Variants in PCDHA1 observed in about 807,000 individuals in gnomAD.
The protein encoded by PCDHA1 is protocadherin alpha-1.
Under a neutral mutation model 61.3 loss-of-function variants are expected in PCDHA1, and 42 were observed. The ratio of observed to expected loss-of-function variants is 0.69; its 90% CI spans 0.54 to 0.89. PCDHA1 has a LOEUF of 0.89. Among genes scored for constraint, PCDHA1 ranks in the 40% least tolerant of loss-of-function variants. The pLI is 0.00. For missense variants in PCDHA1, 1,256 were observed against 1,235.3 expected (o/e 1.02, Z -0.25); for synonymous variants, 610 against 553.8 (o/e 1.10, Z -1.43).
At chr5:140,937,142 A>G (rs1362886135) in intron 1 of PCDHA1, among the ~76,000 whole-genome samples, 1 of 147,852 alleles carries the variant, frequency 6.8e-6, no homozygotes, top group Non-Finnish European at 1.5e-5. Context: ...GGTTCATGCC[A>G]TTCTCCTGCC....
rs994477615 is a variant in PCDHA1 at position 140,861,542 on chromosome 5, C to T, written c.2394+72858C>T. On this transcript the variant is annotated intron_variant, in intron 1 of 3. Coordinates refer to ENST00000504120, the MANE Select transcript of PCDHA1 (RefSeq NM_018900.4). ...GGAGGATCTCGGAGTGCAGCATCCA[C>T]CTGGAAGTGATCGTGGACAAGCTGC... is the stretch of plus-strand genomic sequence containing the variant. The T allele has an allele frequency of 4.0e-5, 17 of 424,962 alleles. No homozygotes were observed. In the East Asian group the frequency reaches 1.2e-3, roughly 30 times the overall value. The allele number at this position is 424,962 out of a possible 1,614,324, so 26.3% of individuals were successfully genotyped here.
At position 140,985,395 on chromosome 5, in the gene PCDHA1, C is replaced by G. The variant is rs377641758; in HGVS notation, c.2542+2832C>G. 2.6e-5 allele frequency among the ~76,000 whole-genome samples: 4 copies of G among 152,302 alleles called. No individual in the cohort carries two copies. The East Asian group carries it at 7.7e-4, about 29-fold the overall frequency. On this transcript the variant is annotated intron_variant, in intron 3 of 3. Coordinates refer to ENST00000504120, the MANE Select transcript of PCDHA1 (RefSeq NM_018900.4). ...GGTCTATATAATCCAGTCACCCCAACTGTTCCCCTGGAAATGGAGTGAGGA... is the reference window on the plus strand; with the variant it reads ...GGTCTATATAATCCAGTCACCCCAAGTGTTCCCCTGGAAATGGAGTGAGGA...
chr5:140,791,995 C>T (rs1761689436), intron 1 of PCDHA1, among the ~76,000 whole-genome samples: 1 of 152,100 alleles, frequency 6.6e-6, no homozygotes, highest in South Asian at 2.1e-4. Flanking sequence ...AACAAATTAC[C>T]ACAGACTTGG....
intron 1 of PCDHA1, among the ~76,000 whole-genome samples, chr5:140,964,646 G>A (rs1554227128): frequency 6.6e-6 from 1 of 152,004 alleles, no homozygotes; most frequent in African/African-American, 2.4e-5. Context: ...TCAGAAACAA[G>A]TAATGGGTGA....
At chr5:140,976,403 TA>T (rs1469780321) in intron 1 of PCDHA1, among the ~76,000 whole-genome samples, 1 of 151,936 alleles carries the variant, frequency 6.6e-6, no homozygotes, top group Non-Finnish European at 1.5e-5. Flanking sequence ...ATTCAAAAAT[TA>T]GCCAGGTACG....
intron 1 of PCDHA1, chr5:140,966,642 GA>G (rs1563353190): frequency 3.1e-5 from 35 of 1,117,790 alleles, no homozygotes; most frequent in Non-Finnish European, 4.1e-5. Context: ...GCGCTTTCTA[GA>G]GCGTGAGCGG....
At chr5:140,852,888 T>A in intron 1 of PCDHA1, 1 of 920,092 alleles carries the variant, frequency 1.1e-6, no homozygotes. Context: ...AAAACGTATT[T>A]TTTTTTTTGA....
At position 141,009,997 on chromosome 5, in the gene PCDHA1, A is replaced by C; in HGVS notation, c.*60A>C. 1 of 1,576,442 alleles carries C rather than the reference A, an allele frequency of 6.3e-7. No individual in the cohort carries two copies. The highest frequency in any genetic ancestry group is 2.2e-5 in the East Asian group (1 of 44,650). On this transcript the variant is annotated 3_prime_UTR_variant, in exon 4 of 4. Transcript: ENST00000504120. ...TTTGTAATAATGGCAAATCTCTCCC[A>C]TGTAGCAATTCCCTGCTCCTTTTTC...
intron 1 of PCDHA1, chr5:140,929,118 A>G: frequency 2.5e-6 from 4 of 1,614,150 alleles, no homozygotes; most frequent in Non-Finnish European, 3.4e-6. Flanking sequence ...CAGCCACCAT[A>G]GATGTCACTA....
chr5:140,857,222 G>A (rs373834853), intron 1 of PCDHA1: 1 of 1,598,456 alleles, frequency 6.3e-7, no homozygotes, highest in Non-Finnish European at 8.6e-7. Flanking sequence ...GACGCCTCAC[G>A]TTCCGTTCAA....
At chr5:140,823,678 T>A in intron 1 of PCDHA1, 1 of 1,613,954 alleles carries the variant, frequency 6.2e-7, no homozygotes, top group South Asian at 1.1e-5. Flanking sequence ...CACAACACGC[T>A]CTCTGGATGA....
chr5:140,920,530 G>T (rs2079676121), intron 1 of PCDHA1, among the ~76,000 whole-genome samples: 1 of 152,148 alleles, frequency 6.6e-6, no homozygotes, highest in African/African-American at 2.4e-5. Context: ...GTTAGACTCA[G>T]GTTTTCTATT....
At chr5:140,803,024 T>A (rs782082974) in intron 1 of PCDHA1, 2 of 1,614,026 alleles carry the variant, frequency 1.2e-6, no homozygotes, top group South Asian at 2.2e-5. Flanking sequence ...GGCTTTCGTA[T>A]GAGCTGCAGC....
At chr5:140,797,608 G>GA (rs1762247529) in intron 1 of PCDHA1, 1 of 496,430 alleles carries the variant, frequency 2.0e-6, no homozygotes, top group South Asian at 3.5e-5. Flanking sequence ...ATGAAACACT[G>GA]AAAAACACCT....
intron 1 of PCDHA1, chr5:140,796,012 G>A (rs1554119652): frequency 1.2e-6 from 2 of 1,614,020 alleles, no homozygotes; most frequent in African/African-American, 2.7e-5. Context: ...CACACCAGAA[G>A]TCTCAATAAC....
intron 1 of PCDHA1, among the ~76,000 whole-genome samples, chr5:140,893,276 G>A (rs1554185570): frequency 6.6e-6 from 1 of 152,164 alleles, no homozygotes; most frequent in African/African-American, 2.4e-5. Context: ...TAGTGGAATT[G>A]CTGGATGATA....
At chr5:140,905,408 C>G (rs1374273315) in intron 1 of PCDHA1, among the ~76,000 whole-genome samples, 1 of 152,142 alleles carries the variant, frequency 6.6e-6, no homozygotes, top group Non-Finnish European at 1.5e-5. Flanking sequence ...TATTTTTATA[C>G]CAGTACCATG....
chr5:140,901,546 T>C (rs2068734079), intron 1 of PCDHA1, among the ~76,000 whole-genome samples: 1 of 152,212 alleles, frequency 6.6e-6, no homozygotes, highest in Non-Finnish European at 1.5e-5. Flanking sequence ...TCTATTCTGT[T>C]CCATTCATCT....
rs782065488 is a variant in PCDHA1, at chr5:140,788,699, C to T, written c.2394+15C>T. On this transcript the variant is annotated intron_variant, in intron 1 of 3. Coordinates refer to ENST00000504120, the MANE Select transcript of PCDHA1 (RefSeq NM_018900.4). ...TTTCTGGTAATGTAAGTCCAACTTT[C>T]GAGTTTTGGCTTTAAATATTTTTCA... The T allele has an allele frequency of 6.6e-7, 1 of 1,525,368 alleles. No homozygotes were observed. Among genetic ancestry groups the T allele is most frequent in the Non-Finnish European group, 8.8e-7 (1 of 1,136,726 alleles). The allele number at this position is 1,525,368 out of a possible 1,614,324, so 94.5% of individuals were successfully genotyped here. A position where few individuals can be genotyped will look rare whatever the true frequency, so the allele number is the denominator to read the frequency against.
Sources: gnomAD v4.1 joint callset for allele counts (sites outside exome capture counted in the v4.1 genomes callset) on GRCh38, gnomAD v4.1.1 for gene constraint, MANE v1.5 for transcripts, NCBI Gene and HGNC (gene_info 2026-07-23, HGNC 2026-07-21) for gene names.